The following FAF1 variants were observed in gnomAD, a reference collection of about 807,000 sequenced individuals.
FAF1 encodes FAS-associated factor 1.
A neutral mutation model predicts 92.5 loss-of-function variants in FAF1; 25 were observed. The observed-to-expected ratio is 0.27, with a 90% confidence interval of 0.20 to 0.38. The LOEUF is 0.38. Ranked by LOEUF, FAF1 falls within the 10% of genes least tolerant of loss-of-function variation. The pLI is 1.00. For synonymous variants in FAF1, 234 were observed against 273.2 expected, an observed-to-expected ratio of 0.86 and a Z score of 1.42; for missense variants, 636 against 793.3, an observed-to-expected ratio of 0.80 and a Z score of 2.38.
At chr1:50,711,716 C>CA (rs1657942894) in intron 6 of FAF1, among the ~76,000 whole-genome samples, 1 of 152,142 alleles carries the variant, frequency 6.6e-6, no homozygotes, top group South Asian at 2.1e-4. Flanking sequence ...CTGCCCGCCT[C>CA]AGCCTCCCAA....
chr1:50,558,342 T>A (rs1053340769), intron 13 of FAF1, among the ~76,000 whole-genome samples: 4 of 152,126 alleles, frequency 2.6e-5, no homozygotes, highest in African/African-American at 7.2e-5. Flanking sequence ...TAACCAGCTA[T>A]TGGGAGTAAC....
chr1:50,831,495 A>C (rs1644152388), intron 2 of FAF1, among the ~76,000 whole-genome samples: 1 of 152,188 alleles, frequency 6.6e-6, no homozygotes, highest in Non-Finnish European at 1.5e-5. Flanking sequence ...TTAAGAGCAA[A>C]GAATATATCT....
At chr1:50,631,139 C>T (rs1007393614) in intron 8 of FAF1, among the ~76,000 whole-genome samples, 6 of 152,120 alleles carry the variant, frequency 3.9e-5, no homozygotes, top group Non-Finnish European at 7.4e-5. Flanking sequence ...GTTATCTCTA[C>T]TGTCTAAACG....
chr1:50,876,804 G>C (rs1194346535), intron 1 of FAF1, among the ~76,000 whole-genome samples: 3 of 152,094 alleles, frequency 2.0e-5, no homozygotes, highest in African/African-American at 7.2e-5. Flanking sequence ...GGCTGGTCTT[G>C]AACTCCTGAC....
intron 7 of FAF1, among the ~76,000 whole-genome samples, chr1:50,681,101 C>T (rs1372058732): frequency 6.6e-6 from 1 of 152,132 alleles, no homozygotes; most frequent in Non-Finnish European, 1.5e-5. Context: ...GGCTGGAGTG[C>T]AGTGGCATGA....
chr1:50,517,939 A>G (rs1395498325), intron 15 of FAF1, among the ~76,000 whole-genome samples: 1 of 152,230 alleles, frequency 6.6e-6, no homozygotes, highest in Non-Finnish European at 1.5e-5. Context: ...AGTCCATTAA[A>G]TAAACTTACT....
At position 50,453,584 on chromosome 1, in the gene FAF1, A is replaced by C. The variant is rs535697256; in HGVS notation, c.1870-12061T>G. Among the ~76,000 whole-genome samples the C allele has an allele frequency of 2.0e-5, 3 of 152,314 alleles. No homozygotes were observed. In the East Asian group the frequency reaches 5.8e-4, roughly 29 times the overall value. On this transcript the variant is annotated intron_variant, in intron 18 of 18. Transcript: ENST00000396153. ...TTTTGATAGTACATTTCATCTACCC[A>C]AAAGCTTATAAAACTGGAAGGCAAG...
intron 3 of FAF1, among the ~76,000 whole-genome samples, chr1:50,799,825 A>G (rs1661916809): frequency 6.6e-6 from 1 of 152,168 alleles, no homozygotes; most frequent in South Asian, 2.1e-4. Context: ...TGCATATACC[A>G]TTTCCAGCAT....
Position 50,629,733 on chromosome 1 carries a change from C to T in FAF1, c.744+25709G>A, listed in dbSNP as rs1251803577. Reference sequence around the variant, plus strand: ...TAAATGTGGGGATAATAACATCTACCCTTCGGGATTGATTAACGTGAAGAT... The same window carrying T: ...TAAATGTGGGGATAATAACATCTACTCTTCGGGATTGATTAACGTGAAGAT... On this transcript the variant is annotated intron_variant, in intron 8 of 18. Coordinates refer to ENST00000396153, the MANE Select transcript of FAF1 (RefSeq NM_007051.3). 2.0e-5 allele frequency among the ~76,000 whole-genome samples: 3 copies of T among 152,024 alleles called. No individual in the cohort carries two copies. The East Asian group carries it at 5.8e-4, about 29-fold the overall frequency.
chr1:50,796,720 G>A (rs1661765259), intron 3 of FAF1, among the ~76,000 whole-genome samples: 1 of 152,024 alleles, frequency 6.6e-6, no homozygotes, highest in African/African-American at 2.4e-5. Flanking sequence ...GGACTTGGTG[G>A]TCCAGCTGCC....
chr1:50,885,370 C>T (rs1644652424), intron 1 of FAF1, among the ~76,000 whole-genome samples: 1 of 147,882 alleles, frequency 6.8e-6, no homozygotes, highest in Non-Finnish European at 1.5e-5. Context: ...ATCTAGGTGC[C>T]CCAGTGTTAG....
intron 1 of FAF1, among the ~76,000 whole-genome samples, chr1:50,880,517 G>T (rs1027516405): frequency 6.6e-6 from 1 of 152,290 alleles, no homozygotes; most frequent in Middle Eastern, 3.4e-3. Flanking sequence ...CTTATAGATA[G>T]AAATACTAGA....
chr1:50,704,847 A>AC (rs1657607852), intron 7 of FAF1, among the ~76,000 whole-genome samples: 1 of 152,236 alleles, frequency 6.6e-6, no homozygotes, highest in African/African-American at 2.4e-5. Flanking sequence ...TTAACACAAT[A>AC]TAAAAAAGGA....
chr1:50,845,901 T>A (rs1171822111), intron 2 of FAF1, among the ~76,000 whole-genome samples: 3 of 152,012 alleles, frequency 2.0e-5, no homozygotes, highest in Non-Finnish European at 4.4e-5. Flanking sequence ...GACGGGTGGA[T>A]CACCTGAGGT....
At chr1:50,526,782 T>C (rs1479461149) in intron 15 of FAF1, among the ~76,000 whole-genome samples, 1 of 152,144 alleles carries the variant, frequency 6.6e-6, no homozygotes, top group Non-Finnish European at 1.5e-5. Flanking sequence ...TGTTGCACCA[T>C]TTTACATTCC....
intron 15 of FAF1, among the ~76,000 whole-genome samples, chr1:50,535,023 T>G (rs927598111): frequency 6.6e-6 from 1 of 152,184 alleles, no homozygotes; most frequent in African/African-American, 2.4e-5. Flanking sequence ...AAGAGGACCA[T>G]AAAACTGAGT....
chr1:50,674,350 C>T (rs1433053951), intron 7 of FAF1, among the ~76,000 whole-genome samples: 1 of 151,774 alleles, frequency 6.6e-6, no homozygotes. Context: ...TCCCCTCACT[C>T]CTTGCCAAAG....
At chr1:50,518,542 G>A (rs1253862747) in intron 15 of FAF1, among the ~76,000 whole-genome samples, 7 of 151,796 alleles carry the variant, frequency 4.6e-5, no homozygotes, top group East Asian at 3.9e-4. Flanking sequence ...CCGGGTTCAC[G>A]CCATTCTCCT....
chr1:50,550,397 A>G (rs971607279), intron 13 of FAF1, among the ~76,000 whole-genome samples: 1 of 151,274 alleles, frequency 6.6e-6, no homozygotes, highest in African/African-American at 2.4e-5. Context: ...TTCAGTTGCA[A>G]TCTCACCCAC....
Sources: gnomAD v4.1 joint callset for allele counts (sites outside exome capture counted in the v4.1 genomes callset) on GRCh38, gnomAD v4.1.1 for gene constraint, MANE v1.5 for transcripts, NCBI Gene and HGNC (gene_info 2026-07-23, HGNC 2026-07-21) for gene names.